The following PIK3R4 variants were observed in gnomAD, a reference collection of about 807,000 sequenced individuals.
PIK3R4 encodes the protein phosphoinositide-3-kinase regulatory subunit 4.
A neutral mutation model predicts 136.5 loss-of-function variants in PIK3R4; 46 were observed. That is an observed-to-expected ratio of 0.34 (90% CI 0.27 to 0.43). The LOEUF (loss-of-function observed/expected upper bound fraction) is 0.43, where lower values mean the gene tolerates loss of function less well. PIK3R4 is among the 20% of genes least tolerant of loss of function. PIK3R4 has a pLI of 1.00. For synonymous variants in PIK3R4, 557 were observed against 566.7 expected (o/e 0.98, Z 0.24); for missense variants, 1,331 against 1,649.5 (o/e 0.81, Z 3.35).
chr3:130,720,889 T>A (rs1021773763), intron 7 of PIK3R4, among the ~76,000 whole-genome samples: 1 of 152,050 alleles, frequency 6.6e-6, no homozygotes, highest in East Asian at 1.9e-4. Flanking sequence ...AAATAAATAC[T>A]AGCCAGGCGT....
At chr3:130,683,225 T>G (rs1415932959) in intron 16 of PIK3R4, among the ~76,000 whole-genome samples, 1 of 152,142 alleles carries the variant, frequency 6.6e-6, no homozygotes, top group Non-Finnish European at 1.5e-5. Flanking sequence ...AATCAAGCAT[T>G]CATTTTAGTT....
At chr3:130,680,885 TATAAG>T in intron 18 of PIK3R4, 87 bp downstream of exon 18, 6 of 780,894 alleles carry the variant, frequency 7.7e-6, no homozygotes, top group East Asian at 5.1e-5. Context: ...CAGCTGTCCT[TATAAG>T]ATGATTTTAA....
chr3:130,693,185 G>A (rs544145116), intron 13 of PIK3R4, among the ~76,000 whole-genome samples: 1 of 152,132 alleles, frequency 6.6e-6, no homozygotes, highest in South Asian at 2.1e-4. Context: ...TTTTATGGCT[G>A]GTTTTCAACT....
rs764488338 is a variant in PIK3R4, at chr3:130,703,884, C to A, written c.2937G>T (p.Trp979Cys). The A allele has an allele frequency of 6.2e-7, 1 of 1,606,764 alleles. No homozygotes were observed. The part of the protein sequence containing the change: ...EWESKPPPPG[W>C]RPKGLLVAHL... Reference sequence around the variant, plus strand: ...GGGCAACTAACAGCCCTTTAGGACGCCATCCTAAGGAAAAGCAAAGGAGTG... The same window carrying A: ...GGGCAACTAACAGCCCTTTAGGACGACATCCTAAGGAAAAGCAAAGGAGTG... Residue 979 changes from tryptophan (W) to cysteine (C), a missense_variant, in exon 13 of 20, where the codon TGG becomes TGT. Trp to Cys is a radical substitution (Grantham distance 215, BLOSUM62 -2). This residue lies in a region of PIK3R4 where 1,180 missense variants were observed against 1,407.0 expected (regional missense o/e 0.84). Coordinates refer to ENST00000356763, the MANE Select transcript of PIK3R4 (RefSeq NM_014602.3).
intron 13 of PIK3R4, among the ~76,000 whole-genome samples, chr3:130,702,700 G>A (rs906994205): frequency 1.3e-5 from 2 of 151,992 alleles, no homozygotes; most frequent in African/African-American, 4.8e-5. Context: ...AAGAGAGGGA[G>A]GACAAACTGC....
Position 130,704,529 on chromosome 3 carries a change from T to C in PIK3R4, c.2933-641A>G, listed in dbSNP as rs189239037. 3.0e-3 allele frequency among the ~76,000 whole-genome samples: 461 copies of C among 152,304 alleles called. 2 individuals are homozygous for C. The highest frequency in any genetic ancestry group is 0.02 in the Middle Eastern group (6 of 294). On this transcript the variant is annotated intron_variant, in intron 12 of 19. Coordinates refer to ENST00000356763, the MANE Select transcript of PIK3R4 (RefSeq NM_014602.3). ...AGTAGCCCATAGGAATTCACATGAT[T>C]TGTAAATATCTATATATAAGCACAC...
chr3:130,700,066 T>A (rs1419312998), intron 13 of PIK3R4, among the ~76,000 whole-genome samples: 1 of 152,186 alleles, frequency 6.6e-6, no homozygotes, highest in Non-Finnish European at 1.5e-5. Context: ...TTTTCATAAG[T>A]TTTCTCTTTC....
In PIK3R4 at chr3:130,722,792, C is replaced by T. The variant is rs182206232; in HGVS notation, c.1981+622G>A. Among the ~76,000 whole-genome samples, 596 of 151,266 alleles carry T rather than the reference C, an allele frequency of 3.9e-3. 7 individuals are homozygous for T. The highest frequency in any genetic ancestry group is 0.014 in the African/African-American group (565 of 41,174). On this transcript the variant is annotated intron_variant, in intron 7 of 19. Transcript: ENST00000356763. ...AAAGTCTCGGCCAGGAGCGGTGGCT[C>T]GTGCCTGTAATCCCAGCACTTCGGG... is the stretch of plus-strand genomic sequence containing the variant.
At chr3:130,698,483 A>C (rs2066558519) in intron 13 of PIK3R4, among the ~76,000 whole-genome samples, 1 of 152,092 alleles carries the variant, frequency 6.6e-6, no homozygotes, top group African/African-American at 2.4e-5. Flanking sequence ...TCTGCTATTG[A>C]AGTTCTCCAG....
chr3:130,734,532 A>G (rs186731670), intron 3 of PIK3R4, among the ~76,000 whole-genome samples: 15 of 152,354 alleles, frequency 9.8e-5, no homozygotes, highest in African/African-American at 3.4e-4. Flanking sequence ...AAGGAATCAC[A>G]GAACCCCTAA....
chr3:130,743,144 T>C (rs926124778), intron 2 of PIK3R4, among the ~76,000 whole-genome samples: 1 of 152,160 alleles, frequency 6.6e-6, no homozygotes, highest in Non-Finnish European at 1.5e-5. Context: ...GGTGTGGTAG[T>C]TCATGCCTGT....
chr3:130,697,182 A>C (rs904527410), intron 13 of PIK3R4, among the ~76,000 whole-genome samples: 4 of 136,582 alleles, frequency 2.9e-5, no homozygotes, highest in Non-Finnish European at 1.5e-5. Context: ...CAGTTCTCCC[A>C]CCTCAGCCTC....
intron 2 of PIK3R4, among the ~76,000 whole-genome samples, chr3:130,743,690 C>T (rs575379145): frequency 1.2e-4 from 18 of 152,284 alleles, no homozygotes; most frequent in African/African-American, 4.3e-4. Flanking sequence ...AGCATTACCA[C>T]TTCTCTCCAC....
chr3:130,722,883 C>T (rs1482409343), intron 7 of PIK3R4, among the ~76,000 whole-genome samples: 6 of 147,806 alleles, frequency 4.1e-5, no homozygotes, highest in South Asian at 2.2e-4. Flanking sequence ...GGTAAAACCC[C>T]GTCTCTACTA....
chr3:130,710,876 T>C (rs1035506750), intron 9 of PIK3R4, among the ~76,000 whole-genome samples: 7 of 151,852 alleles, frequency 4.6e-5, no homozygotes, highest in African/African-American at 1.7e-4. Context: ...TAAATTTTTA[T>C]TGCATAAAGT....
intron 13 of PIK3R4, among the ~76,000 whole-genome samples, chr3:130,697,985 T>C (rs1310048212): frequency 1.3e-5 from 2 of 152,218 alleles, no homozygotes; most frequent in African/African-American, 2.4e-5. Context: ...TGAAGGACAA[T>C]TTTACTGCCA....
intron 16 of PIK3R4, among the ~76,000 whole-genome samples, chr3:130,683,468 C>A (rs979680813): frequency 6.6e-6 from 1 of 152,088 alleles, no homozygotes; most frequent in Non-Finnish European, 1.5e-5. Context: ...AGAGAAATGT[C>A]CTTGAAACCA....
In PIK3R4 at chr3:130,707,024, T is replaced by A; in HGVS notation, c.2645A>T (p.Glu882Val). 1 of 1,612,926 alleles carries A rather than the reference T, an allele frequency of 6.2e-7. No homozygotes were observed. The highest frequency in any genetic ancestry group is 8.5e-7 in the Non-Finnish European group (1 of 1,179,496). ...PQALPKGSDQ[E>V]VIQTGKPPRS... ...AGGAGGTTTCCCAGTCTGAATCACC[T>A]CCTGATCACTCCCTTTAGGTAGGGC... is the stretch of plus-strand genomic sequence containing the variant. Residue 882 changes from glutamate to valine, a missense_variant, in exon 11 of 20, where the codon GAG becomes GTG. By Grantham distance (121) the Glu-to-Val change is moderately radical (BLOSUM62 -2). Around this residue, in one of 2 missense-constraint regions of PIK3R4, gnomAD observed 1,180 missense variants for 1,407.0 expected, o/e 0.84. Coordinates refer to ENST00000356763, the MANE Select transcript of PIK3R4 (RefSeq NM_014602.3).
At chr3:130,697,309 G>A (rs1410598235) in intron 13 of PIK3R4, among the ~76,000 whole-genome samples, 2 of 152,046 alleles carry the variant, frequency 1.3e-5, no homozygotes, top group Admixed American at 6.5e-5. Flanking sequence ...CTGATCTCAG[G>A]TGATCCACCG....
Sources: gnomAD v4.1 joint callset for allele counts (sites outside exome capture counted in the v4.1 genomes callset) on GRCh38, gnomAD v4.1.1 for gene constraint, gnomAD v4.1.1 regional missense constraint, MANE v1.5 for transcripts, NCBI Gene and HGNC (gene_info 2026-07-23, HGNC 2026-07-21) for gene names.